The following OR2L13 variants were observed in gnomAD, a reference collection of about 807,000 sequenced individuals.
OR2L13 encodes olfactory receptor family 2 subfamily L member 13.
Under a neutral mutation model 15.3 loss-of-function variants are expected in OR2L13, and 14 were observed. That is an observed-to-expected ratio of 0.91 (90% CI 0.60 to 1.43). The LOEUF is 1.43. Ranked by LOEUF, OR2L13 falls within the 40% of genes most tolerant of loss-of-function variation. OR2L13 has a pLI of 0.00. For synonymous variants in OR2L13, 152 were observed against 142.9 expected (o/e 1.06, Z -0.45); for missense variants, 367 against 387.9 (o/e 0.95, Z 0.45).
At chr1:248,001,623 A>G in the OR2L13 span, among the ~76,000 whole-genome samples, 1 of 152,036 alleles carries the variant, frequency 6.6e-6, no homozygotes, top group South Asian at 2.1e-4. Context: ...TATATTTTAC[A>G]TAAGAAAAAT....
the OR2L13 span, among the ~76,000 whole-genome samples, chr1:248,007,874 A>G: frequency 2.0e-5 from 3 of 152,200 alleles, no homozygotes; most frequent in Non-Finnish European, 4.4e-5. Context: ...TCTATTTTGA[A>G]GGATGAGTAT....
At chr1:248,043,861 C>G in the OR2L13 span, among the ~76,000 whole-genome samples, 1 of 152,076 alleles carries the variant, frequency 6.6e-6, no homozygotes, top group African/African-American at 2.4e-5. Flanking sequence ...TGCTCTGCTA[C>G]TAGGGTTTGT....
chr1:248,032,948 A>G, the OR2L13 span, among the ~76,000 whole-genome samples: 3 of 151,484 alleles, frequency 2.0e-5, no homozygotes, highest in African/African-American at 7.3e-5. Context: ...CAATAATTTG[A>G]CAACTTTTTG....
exon 3 of OR2L13, chr1:248,100,240 T>C (rs1225632448): frequency 1.9e-6 from 3 of 1,613,480 alleles, no homozygotes; most frequent in Non-Finnish European, 2.5e-6. Flanking sequence ...TCCCATTATC[T>C]ACAGCCTGAG....
At chr1:248,065,425 A>G in the OR2L13 span, among the ~76,000 whole-genome samples, 5 of 148,386 alleles carry the variant, frequency 3.4e-5, no homozygotes, top group Admixed American at 3.3e-4. Flanking sequence ...TTTTTTTTGC[A>G]TTTATTTATT....
chr1:248,055,857 C>CT, the OR2L13 span: 3 of 152,190 alleles, frequency 2.0e-5, no homozygotes, highest in African/African-American at 7.2e-5. Context: ...AACAGCTCCT[C>CT]TTTTTACCTC....
the OR2L13 span, chr1:248,003,642 G>A: frequency 6.2e-7 from 1 of 1,612,002 alleles, no homozygotes; most frequent in Non-Finnish European, 8.5e-7. Context: ...TGCCCATCTA[G>A]GGTTATCAAT....
At chr1:247,989,283 C>A in the OR2L13 span, among the ~76,000 whole-genome samples, 7,867 of 152,056 alleles carry the variant, frequency 0.052, 640 homozygotes, top group African/African-American at 0.18. Flanking sequence ...AAAGACAATT[C>A]AAGAAGGAAA....
At chr1:247,977,828 C>T in the OR2L13 span, among the ~76,000 whole-genome samples, 1 of 152,132 alleles carries the variant, frequency 6.6e-6, no homozygotes, top group Admixed American at 6.6e-5. Context: ...GTCTGTGGAG[C>T]TTGTCTGAGA....
the OR2L13 span, among the ~76,000 whole-genome samples, chr1:248,052,766 A>C: frequency 6.6e-6 from 1 of 152,048 alleles, no homozygotes; most frequent in East Asian, 1.9e-4. Flanking sequence ...TGAGTCTTTA[A>C]ATTTTGTTCT....
chr1:247,945,037 A>T, the OR2L13 span, among the ~76,000 whole-genome samples: 1 of 147,896 alleles, frequency 6.8e-6, no homozygotes, highest in African/African-American at 2.5e-5. Flanking sequence ...GTTATTTCTT[A>T]CCTTTTGCTA....
the OR2L13 span, among the ~76,000 whole-genome samples, chr1:248,076,120 T>C: frequency 6.6e-6 from 1 of 152,230 alleles, no homozygotes. Context: ...TCCCCATTTC[T>C]TGTTTTTCTC....
chr1:248,046,567 C>T, the OR2L13 span, among the ~76,000 whole-genome samples: 1 of 152,172 alleles, frequency 6.6e-6, no homozygotes, highest in Non-Finnish European at 1.5e-5. Context: ...AATACATGAT[C>T]AGAACTCATA....
chr1:247,961,578 T>C, the OR2L13 span, among the ~76,000 whole-genome samples: 1 of 152,126 alleles, frequency 6.6e-6, no homozygotes, highest in Non-Finnish European at 1.5e-5. Context: ...CCATGGATAA[T>C]ATACAAGGAA....
chr1:247,995,224 A>G, the OR2L13 span, among the ~76,000 whole-genome samples: 2 of 152,228 alleles, frequency 1.3e-5, no homozygotes, highest in African/African-American at 4.8e-5. Flanking sequence ...ACAAGGAAGC[A>G]TTCTGAATGT....
chr1:248,025,768 C>G, the OR2L13 span, among the ~76,000 whole-genome samples: 12 of 151,712 alleles, frequency 7.9e-5, no homozygotes, highest in African/African-American at 2.7e-4. Flanking sequence ...ACTATGCAGC[C>G]ATAAAAAAGG....
the OR2L13 span, among the ~76,000 whole-genome samples, chr1:248,082,460 G>A: frequency 5.3e-5 from 8 of 150,270 alleles, 1 homozygote; most frequent in South Asian, 1.5e-3. Flanking sequence ...TAACTAACCT[G>A]CACAATGTGC....
chr1:247,938,315 A>T, the OR2L13 span, among the ~76,000 whole-genome samples: 2 of 152,186 alleles, frequency 1.3e-5, no homozygotes. Flanking sequence ...TAATGTTAAT[A>T]TTAGATGCAT....
the OR2L13 span, among the ~76,000 whole-genome samples, chr1:247,985,940 C>A: frequency 6.6e-6 from 1 of 152,144 alleles, no homozygotes; most frequent in African/African-American, 2.4e-5. Flanking sequence ...ATCTTTCACC[C>A]ACTTTTTGAT....
Sources: gnomAD v4.1 joint callset for allele counts (sites outside exome capture counted in the v4.1 genomes callset) on GRCh38, gnomAD v4.1.1 for gene constraint, MANE v1.5 for transcripts, NCBI Gene and HGNC (gene_info 2026-07-23, HGNC 2026-07-21) for gene names.